The following IPP variants were observed in gnomAD, a reference collection of about 807,000 sequenced individuals.
IPP encodes the protein actin-binding protein IPP.
A neutral mutation model predicts 64.1 loss-of-function variants in IPP; 41 were observed. The ratio of observed to expected loss-of-function variants is 0.64; its 90% CI spans 0.50 to 0.83. The LOEUF (loss-of-function observed/expected upper bound fraction) is 0.83. IPP is among the 40% of genes least tolerant of loss of function. The probability of loss-of-function intolerance (pLI) is 0.00; values close to 1 mark genes in which losing one functional copy is unlikely to be tolerated. For synonymous variants in IPP, 214 were observed against 235.2 expected (o/e 0.91, Z 0.83); for missense variants, 649 against 703.0 (o/e 0.92, Z 0.87).
intron 8 of IPP, among the ~76,000 whole-genome samples, chr1:45,710,268 C>A: frequency 2.0e-5 from 2 of 99,838 alleles, no homozygotes; most frequent in African/African-American, 3.7e-5. Flanking sequence ...GCTAAGAAAA[C>A]ATGATGTGAG....
intron 3 of IPP, among the ~76,000 whole-genome samples, chr1:45,739,304 G>C (rs1646025453): frequency 1.3e-5 from 2 of 151,926 alleles, no homozygotes; most frequent in African/African-American, 4.8e-5. Context: ...CACAATCCTG[G>C]CTCAATGTAG....
At position 45,743,912 on chromosome 1, in the gene IPP, G is replaced by A. The variant is rs184545415; in HGVS notation, c.292+2208C>T. Among the ~76,000 whole-genome samples, 197 of 151,904 alleles carry A rather than the reference G, an allele frequency of 1.3e-3. 1 individual carries two copies. The highest frequency in any genetic ancestry group is 0.01 in the Admixed American group (156 of 15,252). ...CAAGCCTATAATCCCAGCTACTTGG[G>A]AGGCTGAAGCAGGAGAATCGCTTGA... On this transcript the variant is annotated intron_variant, in intron 2 of 8. Coordinates refer to ENST00000396478, the MANE Select transcript of IPP (RefSeq NM_005897.3).
intron 3 of IPP, among the ~76,000 whole-genome samples, chr1:45,734,302 T>A (rs574190057): frequency 2.9e-4 from 44 of 152,146 alleles, no homozygotes; most frequent in Admixed American, 1.6e-3. Context: ...AAATATTTCT[T>A]GGGACAAGGG....
chr1:45,713,083 C>T (rs971066170), intron 8 of IPP, among the ~76,000 whole-genome samples: 1 of 151,948 alleles, frequency 6.6e-6, no homozygotes, highest in African/African-American at 2.4e-5. Flanking sequence ...GGTCTAAAAT[C>T]GATCATCTAA....
chr1:45,711,472 G>C (rs1645589901), intron 8 of IPP, among the ~76,000 whole-genome samples: 1 of 152,054 alleles, frequency 6.6e-6, no homozygotes, highest in African/African-American at 2.4e-5. Flanking sequence ...AAAGCTTAGA[G>C]GCTGGGTGCA....
rs1428336198 is a variant in IPP at position 45,699,158 on chromosome 1, G to A, written c.*808C>T. 3 of 985,142 alleles carry A rather than the reference G, an allele frequency of 3.0e-6. No homozygotes were observed. Among genetic ancestry groups the A allele is most frequent in the African/African-American group, 3.5e-5 (2 of 57,158 alleles). The allele number at this position is 985,142 out of a possible 1,614,324, so 61.0% of individuals were successfully genotyped here. A position where few individuals can be genotyped will look rare whatever the true frequency, so the allele number is the denominator to read the frequency against. On this transcript the variant is annotated 3_prime_UTR_variant, in exon 9 of 9. Transcript: ENST00000396478. ...GGATCAAGACAAAAAATATGAGCAA[G>A]CAAAAACTTATCATCAAGCAAAAAG...
Position 45,700,075 on chromosome 1 carries a change from G to A in IPP, c.1646C>T (p.Ala549Val). The A allele has an allele frequency of 6.2e-7, 1 of 1,614,064 alleles. No individual in the cohort carries two copies. The highest frequency in any genetic ancestry group is 8.5e-7 in the Non-Finnish European group (1 of 1,180,016). Residue 549 changes from alanine to valine, a missense_variant, in exon 9 of 9, where the codon GCT (alanine) becomes GTT (valine). Ala to Val is a moderately conservative substitution (Grantham distance 64). Transcript: ENST00000396478. ...GGRSSSHDFLAPGTLDSVEVY... is the reference protein window; with the variant it reads ...GGRSSSHDFLVPGTLDSVEVY... Reference sequence around the variant, plus strand: ...TTCAACTGAGTCCAAGGTACCTGGAGCCAAAAAATCATGGCTGGAAGATCG... The same window carrying A: ...TTCAACTGAGTCCAAGGTACCTGGAACCAAAAAATCATGGCTGGAAGATCG...
chr1:45,724,026 T>C (rs924091907), intron 5 of IPP, among the ~76,000 whole-genome samples: 3 of 137,002 alleles, frequency 2.2e-5, no homozygotes, highest in Non-Finnish European at 4.7e-5. Context: ...CTCCCTCTGA[T>C]GCCGAGCCAA....
chr1:45,726,578 C>T (rs541082480), intron 5 of IPP, among the ~76,000 whole-genome samples: 11 of 152,128 alleles, frequency 7.2e-5, no homozygotes, highest in African/African-American at 2.2e-4. Context: ...ACCATGATTT[C>T]GACCAAGAAA....
chr1:45,724,076 TC>T (rs1402089068), intron 5 of IPP, among the ~76,000 whole-genome samples: 54 of 142,580 alleles, frequency 3.8e-4, no homozygotes, highest in African/African-American at 1.3e-3. Flanking sequence ...CACTGCAACC[TC>T]CCTGCCTGAT....
intron 8 of IPP, among the ~76,000 whole-genome samples, chr1:45,700,734 A>G (rs1645440638): frequency 6.6e-6 from 1 of 152,240 alleles, no homozygotes; most frequent in South Asian, 2.1e-4. Context: ...ATGATCAGGA[A>G]ATGACCTAGA....
chr1:45,703,952 A>G (rs1645486279), intron 8 of IPP, among the ~76,000 whole-genome samples: 1 of 152,196 alleles, frequency 6.6e-6, no homozygotes. Flanking sequence ...AGAAGTCTGT[A>G]TTTGTGAATG....
chr1:45,711,127 G>T (rs959967978), intron 8 of IPP, among the ~76,000 whole-genome samples: 13 of 148,986 alleles, frequency 8.7e-5, no homozygotes, highest in African/African-American at 3.0e-4. Flanking sequence ...GAGGTCAGGA[G>T]ATGGAGACCA....
chr1:45,714,766 C>T (rs2148557365), intron 7 of IPP, among the ~76,000 whole-genome samples: 1 of 150,058 alleles, frequency 6.7e-6, no homozygotes, highest in South Asian at 2.1e-4. Flanking sequence ...CAGATCCACC[C>T]ATAGATAAAA....
chr1:45,738,564 G>A (rs1011651206), intron 3 of IPP, among the ~76,000 whole-genome samples: 1 of 151,896 alleles, frequency 6.6e-6, no homozygotes, highest in Non-Finnish European at 1.5e-5. Context: ...ATATAGGCCG[G>A]GCGTAGTGGC....
intron 5 of IPP, among the ~76,000 whole-genome samples, chr1:45,720,449 T>C (rs527883746): frequency 1.3e-5 from 2 of 152,200 alleles, no homozygotes; most frequent in East Asian, 1.9e-4. Context: ...GTAAAGATGA[T>C]AGTTACCCCA....
chr1:45,747,121 C>T (rs745623021), intron 1 of IPP, among the ~76,000 whole-genome samples: 2 of 149,806 alleles, frequency 1.3e-5, no homozygotes, highest in African/African-American at 2.4e-5. Flanking sequence ...CGCACACGAG[C>T]GCGCGCGCGC....
chr1:45,743,860 T>A (rs1323466269), intron 2 of IPP, among the ~76,000 whole-genome samples: 3 of 143,118 alleles, frequency 2.1e-5, no homozygotes, highest in Admixed American at 1.4e-4. Flanking sequence ...AAAAAAAAAA[T>A]ACAAAAATTA....
chr1:45,746,573 AT>A, intron 1 of IPP, 112 bp from the exon 2 acceptor site: 1 of 572,672 alleles, frequency 1.7e-6, no homozygotes, highest in East Asian at 2.8e-5. Flanking sequence ...CATAAAACAA[AT>A]AAGGACTAAA....
Sources: allele counts gnomAD v4.1 joint callset (sites outside exome capture counted in the v4.1 genomes callset), GRCh38; gene constraint gnomAD v4.1.1; transcripts MANE v1.5; gene names NCBI Gene and HGNC (gene_info 2026-07-23, HGNC 2026-07-21).